Variants in AURKA observed in about 807,000 individuals in gnomAD.
AURKA encodes aurora 2.
In AURKA, 12 loss-of-function variants were observed where a neutral mutation model predicts 40.9. That is an observed-to-expected ratio of 0.29 (90% CI 0.19 to 0.48). The LOEUF (loss-of-function observed/expected upper bound fraction) is 0.48. Among genes scored for constraint, AURKA ranks in the 20% least tolerant of loss-of-function variants. The probability of loss-of-function intolerance (pLI) is 0.99; values close to 1 mark genes in which losing one functional copy is unlikely to be tolerated. For synonymous variants in AURKA, 170 were observed against 164.3 expected, an observed-to-expected ratio of 1.03 and a Z score of -0.26; for missense variants, 322 against 462.1, an observed-to-expected ratio of 0.70 and a Z score of 2.78.
intron 4 of AURKA, among the ~76,000 whole-genome samples, chr20:56,383,545 A>G (rs938670898): frequency 6.6e-6 from 1 of 152,238 alleles, no homozygotes; most frequent in African/African-American, 2.4e-5. Flanking sequence ...ATCTGGGGGC[A>G]TGTTTCAAAC....
intron 6 of AURKA, among the ~76,000 whole-genome samples, chr20:56,381,205 C>T (rs1464567552): frequency 2.0e-5 from 3 of 152,136 alleles, no homozygotes; most frequent in Non-Finnish European, 4.4e-5. Context: ...CCATAGAAAA[C>T]AGCTGTGCAA....
At chr20:56,382,305 G>A (rs752052005) in intron 5 of AURKA, among the ~76,000 whole-genome samples, 3 of 152,148 alleles carry the variant, frequency 2.0e-5, no homozygotes, top group African/African-American at 4.8e-5. Context: ...TGTGGCCAGC[G>A]GGAAGCAGGC....
chr20:56,377,799 G>A (rs1056128658), intron 6 of AURKA, among the ~76,000 whole-genome samples: 1 of 151,828 alleles, frequency 6.6e-6, no homozygotes, highest in African/African-American at 2.4e-5. Context: ...AAAAAAAAGA[G>A]ACGTTCAACA....
At chr20:56,386,627 A>T in intron 2 of AURKA, 94 bp from the exon 3 acceptor site, 3 of 1,383,684 alleles carry the variant, frequency 2.2e-6, no homozygotes, top group Non-Finnish European at 3.0e-6. Context: ...TAGTATAGCA[A>T]AATAATGAAT....
chr20:56,386,403 G>A lies in AURKA; in HGVS notation c.173C>T (p.Pro58Leu), dbSNP rs1986379448. ...LCPSNSSQRI[P>L]LQAQKLVSSH... ...GGAGACAAGCTTTTGTGCTTGCAAA[G>A]GAATGCGCTGGGAAGAATTTGAAGG... Residue 58 changes from proline (P) to leucine (L), a missense_variant, in exon 3 of 9, where the codon CCT (proline) becomes CTT (leucine). Coordinates refer to ENST00000395915, the MANE Select transcript of AURKA (RefSeq NM_198437.3). The A allele has an allele frequency of 6.2e-7, 1 of 1,614,196 alleles. No homozygotes were observed. The highest frequency in any genetic ancestry group is 8.5e-7 in the Non-Finnish European group (1 of 1,180,044).
At chr20:56,370,788 G>T in intron 7 of AURKA, 129 bp from the exon 8 acceptor site, 1 of 966,814 alleles carries the variant, frequency 1.0e-6, no homozygotes, top group Non-Finnish European at 1.5e-6. Flanking sequence ...CTAGGAAGTA[G>T]CTACTATTAT....
chr20:56,385,052 T>C (rs1986185594), intron 3 of AURKA, among the ~76,000 whole-genome samples: 1 of 152,260 alleles, frequency 6.6e-6, no homozygotes, highest in African/African-American at 2.4e-5. Flanking sequence ...TTAATATCAA[T>C]CTAATCACCA....
chr20:56,391,393 A>G (rs911162), intron 1 of AURKA, among the ~76,000 whole-genome samples: 148,288 of 152,360 alleles, frequency 0.97, 72,204 homozygotes, highest in Non-Finnish European at 0.99. Context: ...CCAGGTCTAA[A>G]AAAACAGATT....
intron 1 of AURKA, among the ~76,000 whole-genome samples, chr20:56,389,747 T>G (rs1167237718): frequency 1.3e-5 from 2 of 152,200 alleles, no homozygotes; most frequent in Non-Finnish European, 2.9e-5. Flanking sequence ...CTCATCTCAG[T>G]GCATGGCAAA....
intron 7 of AURKA, among the ~76,000 whole-genome samples, chr20:56,371,233 G>C (rs935778550): frequency 2.0e-5 from 3 of 152,026 alleles, no homozygotes; most frequent in Admixed American, 6.6e-5. Context: ...GAGGCCGAGG[G>C]AGGCGGATCA....
chr20:56,383,795 G>A (rs910323988), intron 4 of AURKA, among the ~76,000 whole-genome samples: 2 of 152,218 alleles, frequency 1.3e-5, no homozygotes, highest in Non-Finnish European at 2.9e-5. Context: ...ATAGTTCAGA[G>A]ACTGAGAGGA....
intron 1 of AURKA, 73 bp from the exon 2 acceptor site, chr20:56,388,275 G>T: frequency 7.5e-7 from 1 of 1,340,944 alleles, no homozygotes; most frequent in East Asian, 2.3e-5. Flanking sequence ...GATAGGCAGC[G>T]TTACAGTTCC....
intron 6 of AURKA, among the ~76,000 whole-genome samples, chr20:56,376,395 T>C (rs903316545): frequency 3.3e-5 from 5 of 152,212 alleles, no homozygotes; most frequent in African/African-American, 1.2e-4. Context: ...TAGAGATCTA[T>C]TTCTACTTAG....
intron 6 of AURKA, among the ~76,000 whole-genome samples, chr20:56,378,564 G>A (rs1427500596): frequency 2.0e-5 from 3 of 152,082 alleles, no homozygotes; most frequent in African/African-American, 4.8e-5. Context: ...GACTTGTTTC[G>A]CAAAAACCTG....
intron 1 of AURKA, among the ~76,000 whole-genome samples, chr20:56,390,330 A>C (rs1447879321): frequency 7.0e-6 from 1 of 142,458 alleles, no homozygotes; most frequent in African/African-American, 2.7e-5. Flanking sequence ...TTTTTGAGAT[A>C]GAGTTTGCTC....
Position 56,369,606 on chromosome 20 carries a change from G to A in AURKA, c.*552C>T, listed in dbSNP as rs560044373. 4.0e-4 allele frequency: 105 copies of A among 261,336 alleles called. No homozygotes were observed. Among genetic ancestry groups the A allele is most frequent in the Non-Finnish European group, 7.1e-4 (94 of 133,240 alleles). The allele number at this position is 261,336 out of a possible 1,614,324, so 16.2% of individuals were successfully genotyped here. Reference sequence around the variant, plus strand: ...GACTAGAAACCCAATCAGGCCTACCGGGGTGCCGGACAGACACACAGCATT... The same window carrying A: ...GACTAGAAACCCAATCAGGCCTACCAGGGTGCCGGACAGACACACAGCATT... On this transcript the variant is annotated 3_prime_UTR_variant, in exon 9 of 9. Transcript: ENST00000395915.
At chr20:56,374,376 C>T (rs758825520) in intron 6 of AURKA, among the ~76,000 whole-genome samples, 6 of 152,040 alleles carry the variant, frequency 3.9e-5, no homozygotes, top group Non-Finnish European at 7.4e-5. Flanking sequence ...ATAGTCAATT[C>T]CCTTTTTTAA....
At chr20:56,374,016 TACACACACACACAC>T (rs11467339) in intron 6 of AURKA, among the ~76,000 whole-genome samples, 10,351 of 147,610 alleles carry the variant, frequency 0.07, 644 homozygotes, top group African/African-American at 0.17. Context: ...TATAGGAGTC[TACACACACACACAC>T]ACACACACAC....
At chr20:56,379,990 G>A (rs1416244189) in intron 6 of AURKA, among the ~76,000 whole-genome samples, 8 of 146,292 alleles carry the variant, frequency 5.5e-5, no homozygotes, top group African/African-American at 1.8e-4. Context: ...AAAAGGAAGT[G>A]TAAAAACAAA....
Sources: gnomAD v4.1 joint callset for allele counts (sites outside exome capture counted in the v4.1 genomes callset) on GRCh38, gnomAD v4.1.1 for gene constraint, MANE v1.5 for transcripts, NCBI Gene and HGNC (gene_info 2026-07-23, HGNC 2026-07-21) for gene names.